DNM3: variants seen among roughly 807,000 people sequenced by gnomAD.
DNM3 encodes dynamin-3.
A neutral mutation model predicts 101.6 loss-of-function variants in DNM3; 47 were observed. The ratio of observed to expected loss-of-function variants is 0.46; its 90% CI spans 0.37 to 0.59. The LOEUF is 0.59. Ranked by LOEUF, DNM3 falls within the 20% of genes least tolerant of loss-of-function variation. The probability of loss-of-function intolerance (pLI) is 0.00; values close to 1 mark genes in which losing one functional copy is unlikely to be tolerated. For missense variants in DNM3, 849 were observed against 1,085.7 expected, an observed-to-expected ratio of 0.78 and a Z score of 3.06; for synonymous variants, 385 against 387.9, an observed-to-expected ratio of 0.99 and a Z score of 0.09.
At chr1:171,997,661 T>A (rs2046090255) in intron 4 of DNM3, among the ~76,000 whole-genome samples, 1 of 152,164 alleles carries the variant, frequency 6.6e-6, no homozygotes, top group Non-Finnish European at 1.5e-5. Context: ...TATTAATTTG[T>A]TGCTTAAAAG....
intron 15 of DNM3, among the ~76,000 whole-genome samples, chr1:172,297,395 C>T (rs148036645): frequency 4.5e-4 from 68 of 152,042 alleles, no homozygotes; most frequent in African/African-American, 1.5e-3. Context: ...TTGTTTTCTC[C>T]CATTTCCCCC....
At chr1:172,238,352 T>TA (rs2061619468) in intron 14 of DNM3, among the ~76,000 whole-genome samples, 1 of 152,096 alleles carries the variant, frequency 6.6e-6, no homozygotes, top group East Asian at 1.9e-4. Context: ...TGGGATGACT[T>TA]AAGGGCAACC....
intron 2 of DNM3, among the ~76,000 whole-genome samples, chr1:171,947,168 C>T (rs1362601914): frequency 6.6e-6 from 1 of 152,144 alleles, no homozygotes; most frequent in African/African-American, 2.4e-5. Context: ...ACAAGAGGAA[C>T]AGGGAACAGA....
intron 14 of DNM3, among the ~76,000 whole-genome samples, chr1:172,231,346 AC>A (rs1054093747): frequency 1.9e-4 from 29 of 152,176 alleles, no homozygotes; most frequent in Non-Finnish European, 2.8e-4. Context: ...TCTGGAGTGG[AC>A]CTCCAGCAAA....
At chr1:171,986,998 T>C (rs1250210454) in intron 2 of DNM3, among the ~76,000 whole-genome samples, 1 of 152,174 alleles carries the variant, frequency 6.6e-6, no homozygotes, top group Non-Finnish European at 1.5e-5. Flanking sequence ...CCAGTTTTGT[T>C]ATTTATGTAG....
chr1:172,315,988 G>A (rs2065327494), intron 16 of DNM3, among the ~76,000 whole-genome samples: 1 of 152,136 alleles, frequency 6.6e-6, no homozygotes, highest in Non-Finnish European at 1.5e-5. Flanking sequence ...CAGCCAGAGA[G>A]AAAGGTCGGG....
intron 17 of DNM3, among the ~76,000 whole-genome samples, chr1:172,351,350 T>A (rs186131055): frequency 6.6e-6 from 1 of 152,268 alleles, no homozygotes; most frequent in East Asian, 1.9e-4. Context: ...ATAGAATAAT[T>A]GATGGTTTTC....
rs930000943 is a variant in DNM3 at position 172,411,294 on chromosome 1, A to C, written c.*3453A>C. ...AACTCCAGATTGTAGTCATTTTGAG[A>C]GGTACAAAGCTCATAATTACCATGA... is the stretch of plus-strand genomic sequence containing the variant. On this transcript the variant is annotated 3_prime_UTR_variant, in exon 21 of 21. Transcript: ENST00000627582. 2 of 985,122 alleles carry C rather than the reference A, an allele frequency of 2.0e-6. No homozygotes were observed. Among genetic ancestry groups the C allele is most frequent in the Admixed American group, 1.2e-4 (2 of 16,256 alleles). The allele number at this position is 985,122 out of a possible 1,614,324, so 61.0% of individuals were successfully genotyped here.
intron 11 of DNM3, among the ~76,000 whole-genome samples, chr1:172,076,997 G>C (rs1222376575): frequency 1.3e-5 from 2 of 152,116 alleles, no homozygotes; most frequent in Non-Finnish European, 2.9e-5. Flanking sequence ...TTCAGAACTT[G>C]TTATTGGTCT....
At chr1:172,407,171 T>G (rs1573780828) in intron 20 of DNM3, among the ~76,000 whole-genome samples, 1 of 151,040 alleles carries the variant, frequency 6.6e-6, no homozygotes, top group East Asian at 2.0e-4. Context: ...ACTAAAGTCT[T>G]TAAGACCCAA....
chr1:172,373,406 C>T (rs558397363), intron 17 of DNM3, among the ~76,000 whole-genome samples: 17 of 152,196 alleles, frequency 1.1e-4, no homozygotes, highest in Admixed American at 4.6e-4. Flanking sequence ...AAACCAACAT[C>T]AGCTTTATCT....
intron 14 of DNM3, among the ~76,000 whole-genome samples, chr1:172,181,088 G>A (rs979224270): frequency 6.6e-6 from 1 of 152,022 alleles, no homozygotes; most frequent in African/African-American, 2.4e-5. Context: ...ACACATCAGG[G>A]CAGAAAGCTT....
intron 14 of DNM3, among the ~76,000 whole-genome samples, chr1:172,168,787 G>A (rs1309005799): frequency 6.6e-6 from 1 of 151,902 alleles, no homozygotes; most frequent in Non-Finnish European, 1.5e-5. Context: ...TGCCTATAGA[G>A]TCCTGCTCTG....
intron 1 of DNM3, among the ~76,000 whole-genome samples, chr1:171,912,209 A>G (rs1442562887): frequency 2.0e-5 from 3 of 152,118 alleles, no homozygotes; most frequent in East Asian, 1.9e-4. Flanking sequence ...ATTGCCCCCA[A>G]CAGGGCAAAA....
intron 15 of DNM3, among the ~76,000 whole-genome samples, chr1:172,270,011 A>G (rs1368154805): frequency 6.6e-6 from 1 of 152,162 alleles, no homozygotes; most frequent in South Asian, 2.1e-4. Context: ...TTTATTGACT[A>G]TTGGAATAAT....
intron 15 of DNM3, among the ~76,000 whole-genome samples, chr1:172,283,644 C>T: frequency 6.6e-6 from 1 of 151,120 alleles, no homozygotes; most frequent in Non-Finnish European, 1.5e-5. Context: ...CTTGTAGTCC[C>T]AGCTACCCGG....
chr1:172,286,725 A>G (rs1272706382), intron 15 of DNM3, among the ~76,000 whole-genome samples: 3 of 152,160 alleles, frequency 2.0e-5, no homozygotes, highest in Non-Finnish European at 4.4e-5. Flanking sequence ...AACCAAAACC[A>G]TCACCCTCCT....
chr1:171,935,603 T>C (rs2041346770), intron 2 of DNM3, among the ~76,000 whole-genome samples: 1 of 152,048 alleles, frequency 6.6e-6, no homozygotes, highest in Non-Finnish European at 1.5e-5. Flanking sequence ...CAGTGCGTTG[T>C]GGCTTCCTCC....
chr1:172,195,362 C>A (rs2148460384), intron 14 of DNM3, among the ~76,000 whole-genome samples: 1 of 151,968 alleles, frequency 6.6e-6, no homozygotes, highest in East Asian at 1.9e-4. Context: ...AATTATGGCA[C>A]CTTCAAACAA....
Sources: gnomAD v4.1 joint callset for allele counts (sites outside exome capture counted in the v4.1 genomes callset) on GRCh38, gnomAD v4.1.1 for gene constraint, MANE v1.5 for transcripts, NCBI Gene and HGNC (gene_info 2026-07-23, HGNC 2026-07-21) for gene names.